Variants in IGF1R observed in about 807,000 individuals in gnomAD.
IGF1R encodes insulin like growth factor 1 receptor, also known as insulin-like growth factor 1 receptor.
IGF1R carries 44 observed loss-of-function variants against 144.6 expected under a neutral mutation model. The observed-to-expected ratio is 0.30, with a 90% CI of 0.24 to 0.39. The LOEUF is 0.39. IGF1R is among the 10% of genes least tolerant of loss of function. IGF1R has a pLI of 1.00. For synonymous variants in IGF1R, 795 were observed against 722.8 expected (o/e 1.10, Z -1.60); for missense variants, 1,355 against 1,833.7 (o/e 0.74, Z 4.77).
chr15:98,935,465 C>T lies in IGF1R; in HGVS notation c.3297+39C>T, dbSNP rs529497577. 1.7e-6 allele frequency: 2 copies of T among 1,158,524 alleles called. No homozygotes were observed. The highest frequency in any genetic ancestry group is 5.1e-5 in the East Asian group (2 of 39,194). 71.8% of individuals were successfully genotyped at this position (1,158,524 alleles called of 1,614,324 possible). A position where few individuals can be genotyped will look rare whatever the true frequency, so the allele number is the denominator to read the frequency against. On this transcript the variant is annotated intron_variant, in intron 17 of 20. Transcript: ENST00000650285. The surrounding 1 kb of genome is among the most constrained non-coding windows in gnomAD (Gnocchi z 4.2). ...TCCACCGGTATTGCATGTTGCCTGG[C>T]CTGCTCTCTTTTCCTTTATAATCTC...
At chr15:98,684,930 CT>C (rs5814891) in intron 1 of IGF1R, among the ~76,000 whole-genome samples, 76,720 of 113,478 alleles carry the variant, frequency 0.68, 27,345 homozygotes, top group East Asian at 0.81. Flanking sequence ...CTTCCTTTTC[CT>C]TTTTTTTTTT....
rs113976302 is a variant in IGF1R at position 98,693,870 on chromosome 15, T to C, written c.95-13692T>C. On this transcript the variant is annotated intron_variant, in intron 1 of 20. Transcript: ENST00000650285. ...GTGCGCCTGCCTCAGCCTCCCAAAG[T>C]GCTGGGATTACAGGCGTGAGCCACC... is the stretch of plus-strand genomic sequence containing the variant. 5.0e-3 allele frequency among the ~76,000 whole-genome samples: 757 copies of C among 152,254 alleles called. 11 individuals carry two copies. Among genetic ancestry groups the C allele is most frequent in the African/African-American group, 0.017 (719 of 41,552 alleles).
intron 2 of IGF1R, among the ~76,000 whole-genome samples, chr15:98,785,459 G>A (rs562500014): frequency 6.6e-6 from 1 of 152,250 alleles, no homozygotes; most frequent in Non-Finnish European, 1.5e-5. Context: ...TTCAGTCCCA[G>A]GTAATCCAGA....
chr15:98,799,619 A>G (rs1468282278), intron 2 of IGF1R, among the ~76,000 whole-genome samples: 1 of 152,180 alleles, frequency 6.6e-6, no homozygotes, highest in Non-Finnish European at 1.5e-5. Flanking sequence ...GTCCACAGGC[A>G]GAGGTGGGAG....
At chr15:98,650,199 G>A (rs570567835) in intron 1 of IGF1R, among the ~76,000 whole-genome samples, 35 of 152,240 alleles carry the variant, frequency 2.3e-4, no homozygotes, top group African/African-American at 8.4e-4. Context: ...CCTCGAGGGG[G>A]GAGGTGCCCT....
At chr15:98,937,322 C>T (rs939624) in intron 17 of IGF1R, among the ~76,000 whole-genome samples, 62,137 of 151,990 alleles carry the variant, frequency 0.41, 12,859 homozygotes, top group South Asian at 0.53. Context: ...TCCCTTCCTC[C>T]CCAGTTTCAG....
At chr15:98,849,598 C>G (rs913870717) in intron 2 of IGF1R, among the ~76,000 whole-genome samples, 11 of 152,046 alleles carry the variant, frequency 7.2e-5, no homozygotes, top group African/African-American at 2.7e-4. Flanking sequence ...TCTGCATGGC[C>G]AAAAACCATA....
At position 98,680,864 on chromosome 15, in the gene IGF1R, CT is replaced by C. The variant is rs71149411; in HGVS notation, c.95-26683del. Among the ~76,000 whole-genome samples, 1,091 of 142,504 alleles carry C rather than the reference CT, an allele frequency of 7.7e-3. 11 individuals carry two copies. The highest frequency in any genetic ancestry group is 0.024 in the African/African-American group (939 of 39,816). The allele number at this position is 142,504 out of a possible 152,430, so 93.5% of individuals were successfully genotyped here. On this transcript the variant is annotated intron_variant, in intron 1 of 20. Transcript: ENST00000650285. ...ATAGGTGTGAGCCTGGCCATATGTACTTTTTTTTTTTTTTTATCCTTCTTAC... is the reference window on the plus strand; with the variant it reads ...ATAGGTGTGAGCCTGGCCATATGTACTTTTTTTTTTTTTTATCCTTCTTAC...
At chr15:98,719,466 G>A (rs1434249098) in intron 2 of IGF1R, among the ~76,000 whole-genome samples, 2 of 152,154 alleles carry the variant, frequency 1.3e-5, no homozygotes, top group Non-Finnish European at 2.9e-5. Flanking sequence ...TGCTGAGGGG[G>A]GAAAAAGATC....
Position 98,874,377 on chromosome 15 carries a change from C to T in IGF1R, c.641-16948C>T, listed in dbSNP as rs188521061. Among the ~76,000 whole-genome samples, 178 of 152,224 alleles carry T rather than the reference C, an allele frequency of 1.2e-3. 1 individual carries two copies. Among genetic ancestry groups the T allele is most frequent in the South Asian group, 2.3e-3 (11 of 4,822 alleles). ...GAAGCAAGTGCAGTTGGGAGAAAAA[C>T]GTTTTCAATAGGCAGTTTCAGAATT... is the stretch of plus-strand genomic sequence containing the variant. On this transcript the variant is annotated intron_variant, in intron 2 of 20. Coordinates refer to ENST00000650285, the MANE Select transcript of IGF1R (RefSeq NM_000875.5).
At chr15:98,683,295 T>C (rs139986847) in intron 1 of IGF1R, among the ~76,000 whole-genome samples, 1 of 152,238 alleles carries the variant, frequency 6.6e-6, no homozygotes, top group East Asian at 1.9e-4. Context: ...CCTCAAGTGG[T>C]CTGGCTGTGT....
chr15:98,770,605 A>G (rs1236614747), intron 2 of IGF1R, among the ~76,000 whole-genome samples: 1 of 152,238 alleles, frequency 6.6e-6, no homozygotes, highest in Non-Finnish European at 1.5e-5. Context: ...TCAATAAAAA[A>G]TAAAGGGGAA....
chr15:98,722,831 C>T (rs1196907433), intron 2 of IGF1R, among the ~76,000 whole-genome samples: 1 of 152,114 alleles, frequency 6.6e-6, no homozygotes, highest in African/African-American at 2.4e-5. Context: ...AGAGAGCAGG[C>T]ACTGAGTGCC....
chr15:98,865,411 G>A (rs1268287762), intron 2 of IGF1R, among the ~76,000 whole-genome samples: 3 of 152,188 alleles, frequency 2.0e-5, no homozygotes, highest in Admixed American at 6.5e-5. Context: ...CTGGATCGCT[G>A]GCTGGGCTCC....
At chr15:98,804,702 A>T (rs1434948455) in intron 2 of IGF1R, among the ~76,000 whole-genome samples, 1 of 152,190 alleles carries the variant, frequency 6.6e-6, no homozygotes, top group Non-Finnish European at 1.5e-5. Flanking sequence ...TGGAAGATAC[A>T]GGGAGCTGCA....
intron 2 of IGF1R, among the ~76,000 whole-genome samples, chr15:98,878,393 C>G (rs1004406544): frequency 1.3e-5 from 2 of 152,192 alleles, no homozygotes; most frequent in African/African-American, 4.8e-5. Context: ...TCTCTCAATT[C>G]CACTTTAGTT....
At position 98,891,770 on chromosome 15, in the gene IGF1R, G is replaced by A; in HGVS notation, c.953+133G>A. The A allele has an allele frequency of 1.2e-6, 1 of 818,760 alleles. No individual in the cohort carries two copies. Among genetic ancestry groups the A allele is most frequent in the Admixed American group, 2.1e-5 (1 of 47,022 alleles). 50.7% of individuals were successfully genotyped at this position (818,760 alleles called of 1,614,324 possible). ...AGTTCACTGAGGTGGGTCATTTTGA[G>A]AGGGCTGGCTTACCTTAAATGTTTG... On this transcript the variant is annotated intron_variant, in intron 3 of 20. Transcript: ENST00000650285. The surrounding 1 kb of genome is among the most constrained non-coding windows in gnomAD (Gnocchi z 4.7).
chr15:98,680,625 C>T (rs903243373), intron 1 of IGF1R, among the ~76,000 whole-genome samples: 4 of 152,034 alleles, frequency 2.6e-5, no homozygotes, highest in Non-Finnish European at 1.5e-5. Context: ...AGTGCAGTGG[C>T]GTGATTATAG....
chr15:98,916,499 T>A lies in IGF1R; in HGVS notation c.1997-173T>A, dbSNP rs2015255395. 6 of 680,564 alleles carry A rather than the reference T, an allele frequency of 8.8e-6. No homozygotes were observed. In the South Asian group the frequency reaches 1.0e-4, roughly 11 times the overall value. The allele number at this position is 680,564 out of a possible 1,614,324, so 42.2% of individuals were successfully genotyped here. On this transcript the variant is annotated intron_variant, in intron 9 of 20. Transcript: ENST00000650285. The stretch of plus-strand genomic sequence containing the variant: ...CTGGTCTGAAACTCCTAACCTCAGG[T>A]GATTTGCCCGCCTCGGCCTCCCAAA...
Sources: gnomAD v4.1 joint callset for allele counts (sites outside exome capture counted in the v4.1 genomes callset) on GRCh38, gnomAD v4.1.1 for gene constraint, Gnocchi (gnomAD v3.1) non-coding constraint, MANE v1.5 for transcripts, NCBI Gene and HGNC (gene_info 2026-07-23, HGNC 2026-07-21) for gene names.